CACNA1B: variants seen among roughly 807,000 people sequenced by gnomAD.
CACNA1B encodes calcium voltage-gated channel subunit alpha1 B, also known as voltage-dependent N-type calcium channel subunit alpha-1B.
CACNA1B carries 70 observed loss-of-function variants against 247.2 expected under a neutral mutation model. The observed-to-expected ratio is 0.28, with a 90% CI of 0.23 to 0.35. The LOEUF (loss-of-function observed/expected upper bound fraction) is 0.35. Among genes scored for constraint, CACNA1B ranks in the 10% least tolerant of loss-of-function variants. The pLI is 1.00. For missense variants in CACNA1B, 2,367 were observed against 3,197.4 expected (o/e 0.74, Z 6.26); for synonymous variants, 1,231 against 1,294.4 (o/e 0.95, Z 1.05).
chr9:138,097,541 C>T (rs193014427), intron 37 of CACNA1B, among the ~76,000 whole-genome samples: 2 of 152,340 alleles, frequency 1.3e-5, no homozygotes, highest in East Asian at 1.9e-4. Flanking sequence ...GGCCACTAGG[C>T]CTGCTAGCAC....
chr9:138,089,497 G>C (rs1960810013), intron 36 of CACNA1B, among the ~76,000 whole-genome samples: 1 of 152,080 alleles, frequency 6.6e-6, no homozygotes, highest in Non-Finnish European at 1.5e-5. Flanking sequence ...AACTCAACAA[G>C]TTAGGTTGGA....
chr9:138,029,609 CTTT>C (rs11320503), intron 20 of CACNA1B, among the ~76,000 whole-genome samples: 21 of 115,816 alleles, frequency 1.8e-4, no homozygotes, highest in Non-Finnish European at 2.5e-4. Flanking sequence ...TTTTCTTTTC[CTTT>C]TTTTTTTTTT....
At chr9:138,005,809 C>T (rs1028301001) in intron 15 of CACNA1B, among the ~76,000 whole-genome samples, 6 of 151,994 alleles carry the variant, frequency 3.9e-5, no homozygotes, top group Middle Eastern at 3.2e-3. Flanking sequence ...TTTGGGAGGC[C>T]GAGGTGGGCG....
chr9:137,901,554 T>C (rs1957239897), intron 3 of CACNA1B, among the ~76,000 whole-genome samples: 1 of 152,208 alleles, frequency 6.6e-6, no homozygotes, highest in South Asian at 2.1e-4. Context: ...TGATACAGAT[T>C]GTCAGAGTGG....
chr9:138,094,442 T>TAAAA (rs753995157), intron 36 of CACNA1B, among the ~76,000 whole-genome samples: 3 of 93,746 alleles, frequency 3.2e-5, no homozygotes, highest in East Asian at 6.9e-4. Flanking sequence ...TTTACTACAG[T>TAAAA]AAAAAAAAAA....
At chr9:137,985,690 C>T (rs1373247729) in intron 13 of CACNA1B, among the ~76,000 whole-genome samples, 1 of 152,206 alleles carries the variant, frequency 6.6e-6, no homozygotes, top group South Asian at 2.1e-4. Flanking sequence ...GCAGTCCCTC[C>T]ATTCCAGGGA....
intron 23 of CACNA1B, among the ~76,000 whole-genome samples, chr9:138,048,523 CG>C (rs1959203157): frequency 6.6e-6 from 1 of 152,302 alleles, no homozygotes; most frequent in African/African-American, 2.4e-5. Context: ...TGAGGCCCTT[CG>C]GGGTGTGACC....
intron 38 of CACNA1B, 35 bp from the exon 39 acceptor site, chr9:138,105,664 C>A: frequency 8.3e-7 from 1 of 1,207,878 alleles, no homozygotes; most frequent in Non-Finnish European, 1.2e-6. Flanking sequence ...GTGACCCCAG[C>A]AGGCCTGGCC....
In CACNA1B at chr9:137,971,716, A is replaced by G. The variant is rs1958152579; in HGVS notation, c.1543+124A>G. 2 of 785,610 alleles carry G rather than the reference A, an allele frequency of 2.5e-6. No individual in the cohort carries two copies. Among genetic ancestry groups the G allele is most frequent in the Non-Finnish European group, 4.1e-6 (2 of 483,486 alleles). 48.7% of individuals were successfully genotyped at this position (785,610 alleles called of 1,614,324 possible). ...GACCCACCCCCATGTTGCTCAAAGT[A>G]TCCCACAGCCCTAGTCAGCCTCCAG... On this transcript the variant is annotated intron_variant, in intron 11 of 46. Transcript: ENST00000371372. This position sits in a 1 kb window ranked among gnomAD's most constrained non-coding sequence, Gnocchi z 4.4.
Position 138,121,561 on chromosome 9 carries a change from C to T in CACNA1B, c.6582C>T (p.Pro2194=), listed in dbSNP as rs1365248561. The change falls in exon 47 of 47, where the codon CCC becomes CCT. Residue 2194 remains proline (P), a synonymous_variant. Transcript: ENST00000371372. This position sits in a 1 kb window ranked among gnomAD's most constrained non-coding sequence, Gnocchi z 6.8. ...RGGRRQLPQT[P]LTPRPSITYK... ...GGCGGAGGCAGCTCCCCCAGACGCCCCTGACTCCCCGCCCCAGCATCACCT... is the reference window on the plus strand; with the variant it reads ...GGCGGAGGCAGCTCCCCCAGACGCCTCTGACTCCCCGCCCCAGCATCACCT... 4 of 1,607,464 alleles carry T rather than the reference C, an allele frequency of 2.5e-6. No homozygotes were observed. In the East Asian group the frequency reaches 6.7e-5, roughly 27 times the overall value.
intron 34 of CACNA1B, 30 bp downstream of exon 34, chr9:138,074,096 G>T (rs1246333365): frequency 1.3e-6 from 2 of 1,563,700 alleles, no homozygotes; most frequent in South Asian, 1.1e-5. Flanking sequence ...ACAGAGCGTG[G>T]TTCCGGCCTC....
chr9:138,003,539 G>A (rs1239043582), intron 15 of CACNA1B, among the ~76,000 whole-genome samples: 1 of 152,022 alleles, frequency 6.6e-6, no homozygotes, highest in African/African-American at 2.4e-5. Flanking sequence ...TGATAAGACT[G>A]ATATTTAATT....
At chr9:138,120,100 C>T (rs1589140277) in intron 44 of CACNA1B, 65 bp from the exon 45 acceptor site, 1 of 1,376,870 alleles carries the variant, frequency 7.3e-7, no homozygotes, top group Non-Finnish European at 1.0e-6. Flanking sequence ...CCACCCACTT[C>T]CATGCCTGCA....
At chr9:138,000,198 A>C (rs1357686676) in intron 15 of CACNA1B, among the ~76,000 whole-genome samples, 2 of 150,896 alleles carry the variant, frequency 1.3e-5, no homozygotes, top group Non-Finnish European at 1.5e-5. Context: ...TCCCGGGTTC[A>C]CGCCATTCTC....
At chr9:137,934,046 A>G (rs971216158) in intron 6 of CACNA1B, among the ~76,000 whole-genome samples, 3 of 152,264 alleles carry the variant, frequency 2.0e-5, no homozygotes, top group African/African-American at 7.2e-5. Flanking sequence ...TTTGAATAAA[A>G]CAAATTGTAA....
intron 6 of CACNA1B, among the ~76,000 whole-genome samples, chr9:137,940,885 A>G (rs1057430571): frequency 1.3e-5 from 2 of 152,202 alleles, no homozygotes; most frequent in South Asian, 2.1e-4. Context: ...TAAAACCCTC[A>G]GCAAAATCGG....
chr9:138,096,327 G>A (rs12344826), intron 36 of CACNA1B, among the ~76,000 whole-genome samples, 157 bp from the exon 37 acceptor site: 1 of 151,984 alleles, frequency 6.6e-6, no homozygotes, highest in African/African-American at 2.4e-5. Flanking sequence ...GGAAGTCTTG[G>A]AAGTCCCATG....
At chr9:137,923,982 T>G (rs1054874605) in intron 6 of CACNA1B, among the ~76,000 whole-genome samples, 5 of 152,360 alleles carry the variant, frequency 3.3e-5, no homozygotes, top group Non-Finnish European at 5.9e-5. Flanking sequence ...CTGTTTGAAT[T>G]GTTCTTTATA....
intron 40 of CACNA1B, 83 bp from the exon 41 acceptor site, chr9:138,114,295 G>A: frequency 1.4e-6 from 1 of 718,824 alleles, no homozygotes; most frequent in Non-Finnish European, 2.5e-6. Context: ...AGGGGCGGCT[G>A]TTTCCTCACC....
Sources: gnomAD v4.1 joint callset for allele counts (sites outside exome capture counted in the v4.1 genomes callset) on GRCh38, gnomAD v4.1.1 for gene constraint, Gnocchi (gnomAD v3.1) non-coding constraint, MANE v1.5 for transcripts, NCBI Gene and HGNC (gene_info 2026-07-23, HGNC 2026-07-21) for gene names.